Variants in PIK3C2G observed in about 807,000 individuals in gnomAD.
PIK3C2G encodes the protein phosphatidylinositol 3-kinase C2 domain-containing subunit gamma.
PIK3C2G carries 168 observed loss-of-function variants against 181.1 expected under a neutral mutation model. That is an observed-to-expected ratio of 0.93 (90% CI 0.82 to 1.05). PIK3C2G has a LOEUF of 1.05. Among genes scored for constraint, PIK3C2G ranks in the 50% least tolerant of loss-of-function variants. The pLI, the probability that PIK3C2G is intolerant of heterozygous loss-of-function variation, is 0.00. For synonymous variants in PIK3C2G, 573 were observed against 592.2 expected, an observed-to-expected ratio of 0.97 and a Z score of 0.47; for missense variants, 1,869 against 1,732.8, an observed-to-expected ratio of 1.08 and a Z score of -1.40.
the PIK3C2G span, among the ~76,000 whole-genome samples, chr12:18,708,387 C>A: frequency 5.9e-5 from 9 of 152,230 alleles, no homozygotes; most frequent in Admixed American, 1.3e-4. Flanking sequence ...TTGCATATAT[C>A]CATTTTCTTT....
At chr12:18,500,253 C>T (rs1050492537) in intron 22 of PIK3C2G, among the ~76,000 whole-genome samples, 5 of 152,028 alleles carry the variant, frequency 3.3e-5, no homozygotes, top group Non-Finnish European at 7.4e-5. Context: ...GCCGGCCGGC[C>T]CTGCCGGCCC....
At chr12:18,279,879 CAGTT>C (rs1385760561) in intron 1 of PIK3C2G, among the ~76,000 whole-genome samples, 1 of 151,924 alleles carries the variant, frequency 6.6e-6, no homozygotes, top group Non-Finnish European at 1.5e-5. Context: ...CCAAATTTAT[CAGTT>C]AGTTCAGTTA....
intron 20 of PIK3C2G, among the ~76,000 whole-genome samples, chr12:18,494,089 T>G (rs1377174963): frequency 6.6e-6 from 1 of 152,218 alleles, no homozygotes; most frequent in Non-Finnish European, 1.5e-5. Flanking sequence ...AGGACAGAGA[T>G]CCTATCTTCC....
At chr12:18,357,410 C>T (rs559537843) in intron 11 of PIK3C2G, among the ~76,000 whole-genome samples, 18 of 152,090 alleles carry the variant, frequency 1.2e-4, no homozygotes, top group Admixed American at 5.9e-4. Context: ...AGAACTGCTG[C>T]GAAATATTAG....
the PIK3C2G span, among the ~76,000 whole-genome samples, chr12:18,669,559 C>A: frequency 2.0e-5 from 3 of 152,156 alleles, no homozygotes; most frequent in Non-Finnish European, 2.9e-5. Flanking sequence ...TCCAATCCAG[C>A]AGATTCAGTT....
intron 14 of PIK3C2G, among the ~76,000 whole-genome samples, chr12:18,383,245 AT>A (rs1345130897): frequency 6.6e-6 from 1 of 152,218 alleles, no homozygotes; most frequent in Non-Finnish European, 1.5e-5. Flanking sequence ...TGCTCCAAAC[AT>A]TATGGTAAAC....
chr12:18,440,938 C>T (rs59303266), intron 18 of PIK3C2G, among the ~76,000 whole-genome samples: 23,853 of 151,830 alleles, frequency 0.16, 2,234 homozygotes, highest in African/African-American at 0.26. Flanking sequence ...ACGTAAGGTT[C>T]AAAGCCACAT....
chr12:18,646,591 A>C (rs141860246), intron 32 of PIK3C2G, among the ~76,000 whole-genome samples: 1 of 152,158 alleles, frequency 6.6e-6, no homozygotes, highest in Non-Finnish European at 1.5e-5. Flanking sequence ...GAGGCCACCC[A>C]GTGAACTCAG....
chr12:18,339,111 T>C (rs1938866114), intron 9 of PIK3C2G, among the ~76,000 whole-genome samples: 1 of 152,120 alleles, frequency 6.6e-6, no homozygotes, highest in Admixed American at 6.6e-5. Flanking sequence ...GCTTAAAAAA[T>C]GGGCATTATG....
At chr12:18,335,589 T>G (rs1458494319) in intron 8 of PIK3C2G, among the ~76,000 whole-genome samples, 1 of 152,076 alleles carries the variant, frequency 6.6e-6, no homozygotes. Context: ...AATACTCACA[T>G]CACAATTCTA....
intron 9 of PIK3C2G, among the ~76,000 whole-genome samples, chr12:18,342,395 T>C (rs1469066393): frequency 2.0e-5 from 3 of 152,108 alleles, no homozygotes; most frequent in Admixed American, 6.6e-5. Context: ...TGTAACAATT[T>C]TTTTGTTACG....
intron 11 of PIK3C2G, among the ~76,000 whole-genome samples, chr12:18,349,772 C>A (rs1302970546): frequency 6.6e-6 from 1 of 152,006 alleles, no homozygotes; most frequent in Non-Finnish European, 1.5e-5. Context: ...ATTGTTAGTT[C>A]TCCCCCAAGT....
chr12:18,411,579 A>G (rs1222145777), intron 16 of PIK3C2G, among the ~76,000 whole-genome samples: 1 of 152,328 alleles, frequency 6.6e-6, no homozygotes, highest in East Asian at 1.9e-4. Flanking sequence ...AGATATTCAT[A>G]TTGACATTTT....
intron 12 of PIK3C2G, among the ~76,000 whole-genome samples, chr12:18,365,858 T>G (rs1941606635): frequency 6.6e-6 from 1 of 152,220 alleles, no homozygotes; most frequent in South Asian, 2.1e-4. Flanking sequence ...ATGGCCATTC[T>G]GGATAATCAA....
chr12:18,617,210 G>C (rs1948643777), intron 31 of PIK3C2G, among the ~76,000 whole-genome samples: 2 of 152,138 alleles, frequency 1.3e-5, no homozygotes, highest in Non-Finnish European at 1.5e-5. Flanking sequence ...TAAAAAATTT[G>C]TAAGTGTGCA....
intron 1 of PIK3C2G, among the ~76,000 whole-genome samples, chr12:18,280,288 C>T (rs10505813): frequency 0.45 from 67,812 of 151,658 alleles, 15,426 homozygotes; most frequent in Non-Finnish European, 0.5. Context: ...GATGATCTAA[C>T]GGAAAAGGGA....
In PIK3C2G at chr12:18,282,273, T is replaced by C; in HGVS notation, c.192T>C (p.Phe64=). The change falls in exon 2 of 33, where the codon TTT becomes TTC. Residue 64 remains phenylalanine, a synonymous_variant. Transcript: ENST00000538779. ...YESEIDENTF[F]VPTAPKWDST... is the part of the protein sequence containing the mutation. Reference sequence around the variant, plus strand: ...GTGAAATTGATGAAAACACCTTTTTTGTGCCCACTGCACCAAAATGGGACT... The same window carrying C: ...GTGAAATTGATGAAAACACCTTTTTCGTGCCCACTGCACCAAAATGGGACT... 6.2e-7 allele frequency: 1 copy of C among 1,613,470 alleles called. No homozygotes were observed. The highest frequency in any genetic ancestry group is 8.5e-7 in the Non-Finnish European group (1 of 1,179,484).
Position 18,488,490 on chromosome 12 carries a change from G to T in PIK3C2G, c.2546G>T (p.Trp849Leu). The stretch of plus-strand genomic sequence containing the variant: ...GAAAATGAAGCTTATTTTAAAAGCT[G>T]GTATCAGAAGCTACTAGCTGCTCTC... The part of the protein sequence containing the change: ...NAENEAYFKS[W>L]YQKLLAALQF... The change falls in exon 19 of 33, where the codon TGG (tryptophan) becomes TTG (leucine). Residue 849 changes from tryptophan to leucine, a missense_variant. Coordinates refer to ENST00000538779, the MANE Select transcript of PIK3C2G (RefSeq NM_001288772.2). 6.5e-7 allele frequency: 1 copy of T among 1,540,364 alleles called. No individual in the cohort carries two copies. Among genetic ancestry groups the T allele is most frequent in the Non-Finnish European group, 8.7e-7 (1 of 1,145,346 alleles).
At chr12:18,466,242 T>C (rs1474059311) in intron 18 of PIK3C2G, among the ~76,000 whole-genome samples, 1 of 151,794 alleles carries the variant, frequency 6.6e-6, no homozygotes, top group Non-Finnish European at 1.5e-5. Context: ...TAAAAAGTTG[T>C]TTAAATGTAT....
Sources: gnomAD v4.1 joint callset for allele counts (sites outside exome capture counted in the v4.1 genomes callset) on GRCh38, gnomAD v4.1.1 for gene constraint, MANE v1.5 for transcripts, NCBI Gene and HGNC (gene_info 2026-07-23, HGNC 2026-07-21) for gene names.